CFAP54: variants seen among roughly 807,000 people sequenced by gnomAD.
CFAP54 encodes the protein cilia and flagella associated protein 54.
Under a neutral mutation model 370.4 loss-of-function variants are expected in CFAP54, and 290 were observed. The ratio of observed to expected loss-of-function variants is 0.78; its 90% CI spans 0.71 to 0.86. The LOEUF (loss-of-function observed/expected upper bound fraction) is 0.86, where lower values mean the gene tolerates loss of function less well. Among genes scored for constraint, CFAP54 ranks in the 40% least tolerant of loss-of-function variants. The probability of loss-of-function intolerance (pLI) is 0.00; values close to 1 mark genes in which losing one functional copy is unlikely to be tolerated. For missense variants in CFAP54, 3,399 were observed against 3,528.7 expected (o/e 0.96, Z 0.93); for synonymous variants, 1,206 against 1,236.5 (o/e 0.98, Z 0.52).
chr12:96,511,806 C>A (rs1228191517), intron 4 of CFAP54, among the ~76,000 whole-genome samples: 2 of 152,164 alleles, frequency 1.3e-5, no homozygotes, highest in Admixed American at 6.5e-5. Context: ...AAAGTTTAAA[C>A]CTGAACATAG....
intron 39 of CFAP54, among the ~76,000 whole-genome samples, chr12:96,667,804 A>C (rs1369261548): frequency 6.6e-6 from 1 of 152,130 alleles, no homozygotes; most frequent in Non-Finnish European, 1.5e-5. Context: ...TCCTCAGAAA[A>C]TGGGTTTTTC....
intron 65 of CFAP54, among the ~76,000 whole-genome samples, chr12:96,824,453 T>G (rs1192236096): frequency 6.6e-6 from 1 of 152,210 alleles, no homozygotes; most frequent in Non-Finnish European, 1.5e-5. Context: ...TGGCTCTTAA[T>G]GAAATCCTTA....
At chr12:96,570,057 G>C (rs942212584) in intron 19 of CFAP54, among the ~76,000 whole-genome samples, 6 of 151,956 alleles carry the variant, frequency 3.9e-5, no homozygotes, top group Non-Finnish European at 7.4e-5. Context: ...GCTCACTGCA[G>C]CCTCGACCTC....
intron 57 of CFAP54, 26 bp from the exon 58 acceptor site, chr12:96,757,469 A>G: frequency 3.1e-6 from 4 of 1,287,888 alleles, no homozygotes; most frequent in East Asian, 2.4e-5. Flanking sequence ...AAGCTATTTA[A>G]TAAGTACAGT....
chr12:96,733,540 G>T (rs61939403), intron 50 of CFAP54, among the ~76,000 whole-genome samples: 1 of 79,312 alleles, frequency 1.3e-5, no homozygotes, highest in African/African-American at 6.0e-5. Context: ...AAAATCCTGT[G>T]GGTTTTTTTT....
intron 60 of CFAP54, among the ~76,000 whole-genome samples, chr12:96,774,906 T>C (rs186779609): frequency 2.6e-5 from 4 of 152,342 alleles, no homozygotes. Flanking sequence ...GTACAGAGGC[T>C]ACTGATGCCA....
intron 50 of CFAP54, among the ~76,000 whole-genome samples, chr12:96,734,847 C>T (rs558861237): frequency 1.3e-5 from 2 of 152,146 alleles, no homozygotes; most frequent in Admixed American, 1.3e-4. Flanking sequence ...ACAATAACAA[C>T]AAAAACCATT....
intron 65 of CFAP54, 39 bp downstream of exon 65, chr12:96,817,952 T>A (rs1172622963): frequency 3.0e-5 from 40 of 1,335,008 alleles, no homozygotes; most frequent in Non-Finnish European, 3.9e-5. Flanking sequence ...TTGCTATAGA[T>A]TATCTTTTAT....
At chr12:96,740,758 G>A (rs1281736640) in intron 51 of CFAP54, among the ~76,000 whole-genome samples, 1 of 152,134 alleles carries the variant, frequency 6.6e-6, no homozygotes, top group African/African-American at 2.4e-5. Context: ...TCTAAAAATT[G>A]ACTTAGAATA....
intron 32 of CFAP54, among the ~76,000 whole-genome samples, chr12:96,636,024 A>G (rs1212107263): frequency 6.6e-6 from 1 of 152,082 alleles, no homozygotes; most frequent in Non-Finnish European, 1.5e-5. Flanking sequence ...GAAAGGTCTC[A>G]CCCTCTAATC....
intron 67 of CFAP54, among the ~76,000 whole-genome samples, chr12:96,861,969 G>T (rs147396223): frequency 2.0e-5 from 3 of 151,952 alleles, no homozygotes; most frequent in African/African-American, 7.3e-5. Flanking sequence ...AGCTAAATTG[G>T]TTTAATGTAT....
chr12:96,554,369 G>A (rs1461449348), intron 16 of CFAP54, 59 bp downstream of exon 16: 2 of 1,440,750 alleles, frequency 1.4e-6, no homozygotes, highest in African/African-American at 1.4e-5. Context: ...AAGAAAACTG[G>A]CCTTGAAAGT....
chr12:96,630,344 A>T (rs1381951551), intron 31 of CFAP54, 140 bp downstream of exon 31: 1 of 610,830 alleles, frequency 1.6e-6, no homozygotes, highest in Non-Finnish European at 2.7e-6. Context: ...ATTACACAAT[A>T]CAACTTTTAG....
intron 17 of CFAP54, among the ~76,000 whole-genome samples, chr12:96,555,231 C>T (rs1225406072): frequency 6.6e-6 from 1 of 151,832 alleles, no homozygotes. Context: ...ATTATGGGCA[C>T]ACAGAAATAT....
chr12:96,644,492 A>G, intron 33 of CFAP54, 84 bp downstream of exon 33: 2 of 984,446 alleles, frequency 2.0e-6, no homozygotes, highest in Non-Finnish European at 3.0e-6. Context: ...CAATGGTGCT[A>G]ACAACTTAAG....
At chr12:96,786,578 A>G (rs770770679) in intron 61 of CFAP54, 97 bp from the exon 62 acceptor site, 252 of 820,110 alleles carry the variant, frequency 3.1e-4, no homozygotes, top group Non-Finnish European at 4.1e-4. Context: ...GGAGGTGGGA[A>G]TATGTAACGA....
At chr12:96,826,751 T>C (rs1258581185) in intron 65 of CFAP54, among the ~76,000 whole-genome samples, 1 of 112,412 alleles carries the variant, frequency 8.9e-6, no homozygotes, top group East Asian at 2.4e-4. Context: ...AATTCTTATA[T>C]AATACATATT....
intron 32 of CFAP54, among the ~76,000 whole-genome samples, chr12:96,635,489 C>T (rs1048105428): frequency 1.3e-5 from 2 of 152,196 alleles, no homozygotes; most frequent in Non-Finnish European, 2.9e-5. Context: ...CCAGCACCAG[C>T]GGGGCAGCCC....
chr12:96,602,349 AT>A (rs1212369112), intron 26 of CFAP54, among the ~76,000 whole-genome samples: 1 of 152,096 alleles, frequency 6.6e-6, no homozygotes, highest in East Asian at 1.9e-4. Context: ...GTTCTTTTAC[AT>A]TTGCTGAGGA....
Sources: allele counts gnomAD v4.1 joint callset (sites outside exome capture counted in the v4.1 genomes callset), GRCh38; gene constraint gnomAD v4.1.1; transcripts MANE v1.5; gene names NCBI Gene and HGNC (gene_info 2026-07-23, HGNC 2026-07-21).